The following SEMA3A variants were observed in gnomAD, a reference collection of about 807,000 sequenced individuals.
SEMA3A encodes semaphorin 3A, also known as semaphorin-3A.
A neutral mutation model predicts 97.9 loss-of-function variants in SEMA3A; 29 were observed. That is an observed-to-expected ratio of 0.30 (90% CI 0.22 to 0.40). The LOEUF (loss-of-function observed/expected upper bound fraction) is 0.40. Among genes scored for constraint, SEMA3A ranks in the 10% least tolerant of loss-of-function variants. The probability of loss-of-function intolerance (pLI) is 1.00; values close to 1 mark genes in which losing one functional copy is unlikely to be tolerated. For missense variants in SEMA3A, 763 were observed against 951.3 expected (o/e 0.80, Z 2.60); for synonymous variants, 321 against 323.7 (o/e 0.99, Z 0.09).
intron 6 of SEMA3A, among the ~76,000 whole-genome samples, chr7:84,039,725 A>G (rs764927918): frequency 3.3e-5 from 5 of 152,138 alleles, no homozygotes; most frequent in Non-Finnish European, 7.4e-5. Context: ...TCTATCAGTT[A>G]TATCTAAAAA....
At chr7:84,402,908 AGGGTAGTG>A (rs1803947183) in intron 1 of SEMA3A, among the ~76,000 whole-genome samples, 1 of 152,128 alleles carries the variant, frequency 6.6e-6, no homozygotes, top group South Asian at 2.1e-4. Flanking sequence ...GAGGCCAGGA[AGGGTAGTG>A]GGGTAGAGAG....
chr7:84,334,035 AATTGACTAAAT>A (rs1476704123), intron 2 of SEMA3A, among the ~76,000 whole-genome samples: 8 of 152,254 alleles, frequency 5.3e-5, no homozygotes, highest in African/African-American at 1.9e-4. Flanking sequence ...ATTTTCTTAC[AATTGACTAAAT>A]ACTAAAAACA....
chr7:84,245,465 C>G (rs145895303), intron 3 of SEMA3A, among the ~76,000 whole-genome samples: 4,854 of 151,996 alleles, frequency 0.032, 91 homozygotes, highest in South Asian at 0.045. Flanking sequence ...CTTCTCTAAA[C>G]TGGTTATTCT....
chr7:83,998,163 G>C (rs1790294666), intron 12 of SEMA3A, among the ~76,000 whole-genome samples: 1 of 152,018 alleles, frequency 6.6e-6, no homozygotes, highest in African/African-American at 2.4e-5. Context: ...GTCATGTATG[G>C]GTTGATGACA....
chr7:84,053,028 T>A (rs1792756318), intron 5 of SEMA3A, among the ~76,000 whole-genome samples: 1 of 148,742 alleles, frequency 6.7e-6, no homozygotes, highest in African/African-American at 2.5e-5. Context: ...CGGTTTTGAG[T>A]GAGATTCTTA....
intron 1 of SEMA3A, among the ~76,000 whole-genome samples, chr7:84,435,712 C>T (rs1404121287): frequency 1.3e-5 from 2 of 152,132 alleles, no homozygotes; most frequent in African/African-American, 2.4e-5. Flanking sequence ...TGCTCATAGA[C>T]TGGAAGAATT....
chr7:84,175,126 C>G (rs1206493925), intron 1 of SEMA3A, among the ~76,000 whole-genome samples: 1 of 152,094 alleles, frequency 6.6e-6, no homozygotes, highest in Admixed American at 6.5e-5. Context: ...TGGTGTCCAA[C>G]GGACATGGAG....
At chr7:84,347,874 A>T (rs904241270) in intron 2 of SEMA3A, among the ~76,000 whole-genome samples, 3 of 152,194 alleles carry the variant, frequency 2.0e-5, no homozygotes, top group Non-Finnish European at 4.4e-5. Context: ...CAAAAGGTAT[A>T]AGGCAACTTT....
chr7:84,205,176 A>G (rs1438731935), intron 3 of SEMA3A, among the ~76,000 whole-genome samples: 1 of 152,232 alleles, frequency 6.6e-6, no homozygotes, highest in East Asian at 1.9e-4. Context: ...AAACACCTGT[A>G]CAATTATTAT....
At chr7:83,968,905 G>C (rs1788819832) in intron 15 of SEMA3A, among the ~76,000 whole-genome samples, 1 of 145,862 alleles carries the variant, frequency 6.9e-6, no homozygotes. Context: ...CCGCCTCCCA[G>C]GTTCAAACAA....
At chr7:84,468,576 G>T (rs765274758) in intron 1 of SEMA3A, among the ~76,000 whole-genome samples, 4 of 152,064 alleles carry the variant, frequency 2.6e-5, no homozygotes, top group Non-Finnish European at 5.9e-5. Flanking sequence ...AAAGTCAATG[G>T]TTTTTGATAT....
chr7:84,478,311 A>C (rs555269855), intron 1 of SEMA3A, among the ~76,000 whole-genome samples: 1 of 152,220 alleles, frequency 6.6e-6, no homozygotes, highest in African/African-American at 2.4e-5. Flanking sequence ...CCTCACCCTA[A>C]GATGTATTAT....
chr7:84,202,476 A>C (rs1798380157), intron 3 of SEMA3A, among the ~76,000 whole-genome samples: 1 of 152,180 alleles, frequency 6.6e-6, no homozygotes, highest in Non-Finnish European at 1.5e-5. Flanking sequence ...TCAAAATTGC[A>C]ATCACTTATG....
intron 6 of SEMA3A, among the ~76,000 whole-genome samples, chr7:84,030,734 T>C (rs1584569030): frequency 6.6e-6 from 1 of 152,196 alleles, no homozygotes; most frequent in African/African-American, 2.4e-5. Context: ...AGAACTTTAA[T>C]TGGGATTCAA....
At chr7:84,162,618 A>T (rs1797072738) in intron 1 of SEMA3A, among the ~76,000 whole-genome samples, 1 of 152,196 alleles carries the variant, frequency 6.6e-6, no homozygotes, top group Non-Finnish European at 1.5e-5. Context: ...TGATTTGCTT[A>T]AAACACTTTT....
intron 11 of SEMA3A, among the ~76,000 whole-genome samples, chr7:84,003,513 C>T (rs1313641278): frequency 2.6e-5 from 4 of 152,000 alleles, no homozygotes; most frequent in Admixed American, 6.6e-5. Context: ...CTGTACTGAC[C>T]AATAGCCATC....
chr7:84,319,991 A>G (rs1375275020), intron 2 of SEMA3A, among the ~76,000 whole-genome samples: 1 of 152,124 alleles, frequency 6.6e-6, no homozygotes, highest in South Asian at 2.1e-4. Context: ...AAGAAAGTAA[A>G]TGATTTCTTT....
rs73711508 is a variant in SEMA3A at position 84,292,588 on chromosome 7, G to T, written c.-83+14619C>A. On this transcript the variant is annotated intron_variant, in intron 3 of 3. Transcript: ENST00000424555. ...ATCCTCCATACTTTAGTTAATTGAA[G>T]CCAATACTACGTAAAAATCTGTAGG... 8.3e-3 allele frequency among the ~76,000 whole-genome samples: 1,262 copies of T among 152,048 alleles called. 15 individuals carry two copies. The highest frequency in any genetic ancestry group is 0.029 in the African/African-American group (1,204 of 41,524).
Position 84,046,385 on chromosome 7 carries a change from G to A in SEMA3A, c.606C>T (p.Phe202=). The change falls in exon 6 of 17, where the codon TTC becomes TTT. Residue 202 remains phenylalanine (F), a synonymous_variant. Coordinates refer to ENST00000265362, the MANE Select transcript of SEMA3A (RefSeq NM_006080.3). ...ADFMGRDFAI[F]RTLGHHHPIR... is the part of the protein sequence containing the mutation. ...TTGGGTGGTGGTGCCCAAGAGTTCG[G>A]AAGATAGCAAAGTCTCGCCCCATAA... 6.2e-7 allele frequency: 1 copy of A among 1,613,230 alleles called. No homozygotes were observed. Among genetic ancestry groups the A allele is most frequent in the Non-Finnish European group, 8.5e-7 (1 of 1,179,424 alleles).
Sources: gnomAD v4.1 joint callset for allele counts (sites outside exome capture counted in the v4.1 genomes callset) on GRCh38, gnomAD v4.1.1 for gene constraint, MANE v1.5 for transcripts, NCBI Gene and HGNC (gene_info 2026-07-23, HGNC 2026-07-21) for gene names.